Variants in PSMA6 observed in about 807,000 individuals in gnomAD.
PSMA6 encodes proteasome 20S subunit alpha 6.
For missense variants in PSMA6, 170 were observed against 294.8 expected (o/e 0.58, Z 3.10); for synonymous variants, 88 against 97.7 (o/e 0.90, Z 0.59).
chr14:35,314,687 A>G (rs1449943893), intron 6 of PSMA6: 3 of 330,480 alleles, frequency 9.1e-6, no homozygotes, highest in Non-Finnish European at 1.5e-5. Context: ...ATCTAACACC[A>G]GAGATGACAT....
At chr14:35,294,093 G>A (rs988465387) in intron 1 of PSMA6, among the ~76,000 whole-genome samples, 1 of 152,338 alleles carries the variant, frequency 6.6e-6, no homozygotes, top group Admixed American at 6.5e-5. Context: ...TGCCTAGGCT[G>A]GAGTGCAATG....
chr14:35,299,999 C>T (rs1054440919), intron 1 of PSMA6, among the ~76,000 whole-genome samples: 20 of 152,266 alleles, frequency 1.3e-4, no homozygotes, highest in African/African-American at 3.6e-4. Context: ...ATAGATCAGT[C>T]AGTGTGAATG....
At chr14:35,304,336 T>G (rs974642158) in intron 1 of PSMA6, among the ~76,000 whole-genome samples, 2 of 152,204 alleles carry the variant, frequency 1.3e-5, no homozygotes, top group Non-Finnish European at 2.9e-5. Context: ...TACTGTGCCA[T>G]TTTATATCAG....
At chr14:35,303,750 A>G (rs2051765092) in intron 1 of PSMA6, among the ~76,000 whole-genome samples, 1 of 152,182 alleles carries the variant, frequency 6.6e-6, no homozygotes. Flanking sequence ...CATGGATTCA[A>G]CCAGCTGCAG....
At chr14:35,300,560 G>A (rs976349655) in intron 1 of PSMA6, among the ~76,000 whole-genome samples, 3 of 152,106 alleles carry the variant, frequency 2.0e-5, no homozygotes, top group Non-Finnish European at 4.4e-5. Context: ...ACCCTAATGA[G>A]TGAATTAAGG....
chr14:35,311,556 GAAGT>G (rs1485848617), intron 4 of PSMA6, among the ~76,000 whole-genome samples: 3 of 152,136 alleles, frequency 2.0e-5, no homozygotes, highest in Non-Finnish European at 4.4e-5. Flanking sequence ...TTGAAGGAAA[GAAGT>G]ATTTGTTGTT....
intron 1 of PSMA6, among the ~76,000 whole-genome samples, chr14:35,284,086 C>A (rs760339588): frequency 3.5e-4 from 53 of 152,140 alleles, no homozygotes; most frequent in Non-Finnish European, 6.8e-4. Flanking sequence ...AAATGTCTCC[C>A]CGTAGCCTTC....
At chr14:35,296,270 C>A (rs533400004) in intron 1 of PSMA6, among the ~76,000 whole-genome samples, 34 of 152,152 alleles carry the variant, frequency 2.2e-4, no homozygotes, top group Non-Finnish European at 4.7e-4. Context: ...AAATGTAAAG[C>A]ATTTAAAACA....
At chr14:35,285,777 A>G (rs908118975) in intron 1 of PSMA6, among the ~76,000 whole-genome samples, 1 of 152,220 alleles carries the variant, frequency 6.6e-6, no homozygotes, top group African/African-American at 2.4e-5. Context: ...AAAGATCCCA[A>G]GATGTAGGGA....
intron 1 of PSMA6, among the ~76,000 whole-genome samples, chr14:35,301,737 A>G (rs1003085890): frequency 6.6e-6 from 1 of 152,190 alleles, no homozygotes; most frequent in Admixed American, 6.5e-5. Flanking sequence ...CATTTTTTAT[A>G]TGTAAAATGT....
chr14:35,307,238 C>T (rs1334697376), intron 1 of PSMA6, among the ~76,000 whole-genome samples: 1 of 152,040 alleles, frequency 6.6e-6, no homozygotes, highest in Non-Finnish European at 1.5e-5. Flanking sequence ...AAAATTAATG[C>T]AAAATAATCA....
chr14:35,306,486 C>G (rs1290169177), intron 1 of PSMA6, among the ~76,000 whole-genome samples: 1 of 151,958 alleles, frequency 6.6e-6, no homozygotes, highest in Non-Finnish European at 1.5e-5. Context: ...GGCAGATCAC[C>G]TGAGGTCAGG....
chr14:35,278,747 G>T (rs1381479736), intron 1 of PSMA6: 3 of 1,531,674 alleles, frequency 2.0e-6, no homozygotes, highest in Non-Finnish European at 2.6e-6. Flanking sequence ...CTTGTTGCTT[G>T]AGATGTACTA....
chr14:35,281,800 G>C (rs1223105885), intron 1 of PSMA6, among the ~76,000 whole-genome samples: 1 of 152,074 alleles, frequency 6.6e-6, no homozygotes. Context: ...ACAGGATCAG[G>C]TTGGTCTTGA....
chr14:35,281,121 C>T (rs1346701393), intron 1 of PSMA6, among the ~76,000 whole-genome samples: 2 of 152,168 alleles, frequency 1.3e-5, no homozygotes, highest in Non-Finnish European at 2.9e-5. Context: ...TTTCTCCCTA[C>T]CCTGCCTCTC....
intron 5 of PSMA6, 72 bp downstream of exon 5, chr14:35,313,131 A>G (rs2051976956): frequency 7.5e-7 from 1 of 1,336,352 alleles, no homozygotes; most frequent in Non-Finnish European, 1.0e-6. Context: ...TAATTTCTAT[A>G]CAAAGCTATT....
chr14:35,313,241 C>G (rs1424662210), intron 5 of PSMA6, 182 bp downstream of exon 5: 3 of 538,680 alleles, frequency 5.6e-6, no homozygotes, highest in Non-Finnish European at 9.2e-6. Flanking sequence ...TCACTTAATT[C>G]CTTATTTCGT....
At chr14:35,285,618 T>C (rs1364086095) in intron 1 of PSMA6, among the ~76,000 whole-genome samples, 4 of 152,340 alleles carry the variant, frequency 2.6e-5, no homozygotes, top group African/African-American at 9.6e-5. Flanking sequence ...GTCTCTAGGC[T>C]AAAGGGAAGG....
chr14:35,292,381 C>A, upstream of PSMA6: 2 of 1,540,792 alleles, frequency 1.3e-6, no homozygotes, highest in South Asian at 1.2e-5. Flanking sequence ...GCTGGTACCC[C>A]GGAAGCAGTC....
Sources: allele counts gnomAD v4.1 joint callset (sites outside exome capture counted in the v4.1 genomes callset), GRCh38; gene constraint gnomAD v4.1.1; transcripts MANE v1.5; gene names NCBI Gene and HGNC (gene_info 2026-07-23, HGNC 2026-07-21).